The following FHIT variants were observed in gnomAD, a reference collection of about 807,000 sequenced individuals.
FHIT encodes the protein bis(5'-adenosyl)-triphosphatase.
Under a neutral mutation model 17.9 loss-of-function variants are expected in FHIT, and 19 were observed. The ratio of observed to expected loss-of-function variants is 1.06; its 90% confidence interval spans 0.74 to 1.56. The LOEUF is 1.56. Ranked by LOEUF, FHIT falls within the 40% of genes most tolerant of loss-of-function variation. FHIT has a pLI of 0.00. For synonymous variants in FHIT, 81 were observed against 69.7 expected (o/e 1.16, Z -0.81); for missense variants, 248 against 189.2 (o/e 1.31, Z -1.82).
At chr3:60,338,671 C>T (rs556519053) in intron 5 of FHIT, among the ~76,000 whole-genome samples, 1 of 152,290 alleles carries the variant, frequency 6.6e-6, no homozygotes, top group South Asian at 2.1e-4. Context: ...AAAGATAGAG[C>T]ACATGTGGTT....
chr3:60,503,932 T>A (rs893273215), intron 5 of FHIT, among the ~76,000 whole-genome samples: 1 of 152,206 alleles, frequency 6.6e-6, no homozygotes, highest in African/African-American at 2.4e-5. Flanking sequence ...CTCATTTTAT[T>A]TATAATAAAT....
At chr3:60,467,721 G>T (rs2032875919) in intron 5 of FHIT, among the ~76,000 whole-genome samples, 1 of 151,996 alleles carries the variant, frequency 6.6e-6, no homozygotes, top group Non-Finnish European at 1.5e-5. Context: ...TTTAAGATTT[G>T]TTTTGTGGCC....
At chr3:60,136,560 C>T (rs1195443761) in intron 5 of FHIT, among the ~76,000 whole-genome samples, 1 of 152,194 alleles carries the variant, frequency 6.6e-6, no homozygotes, top group Admixed American at 6.5e-5. Flanking sequence ...GGCTGAGCCA[C>T]TATCCAATTT....
chr3:59,911,007 G>A (rs1486737936), intron 8 of FHIT, among the ~76,000 whole-genome samples: 2 of 152,106 alleles, frequency 1.3e-5, no homozygotes, highest in African/African-American at 4.8e-5. Context: ...CTAACAACAG[G>A]TATACTACAG....
At chr3:61,215,760 G>A (rs552005253) in intron 1 of FHIT, among the ~76,000 whole-genome samples, 104 of 152,310 alleles carry the variant, frequency 6.8e-4, no homozygotes, top group African/African-American at 2.5e-3. Flanking sequence ...CAAGGCTACA[G>A]TAACCAAAAC....
intron 8 of FHIT, among the ~76,000 whole-genome samples, chr3:59,874,984 T>G (rs905805610): frequency 1.3e-5 from 2 of 152,248 alleles, no homozygotes; most frequent in African/African-American, 2.4e-5. Context: ...TTTCGGCAAG[T>G]GCTTCCCTTT....
chr3:60,856,575 C>T (rs1228811007), intron 3 of FHIT: 1 of 152,102 alleles, frequency 6.6e-6, no homozygotes, highest in Non-Finnish European at 1.5e-5. Context: ...AAGTAATGAA[C>T]CACAGAAATG....
At chr3:59,977,138 G>T (rs961736493) in intron 7 of FHIT, among the ~76,000 whole-genome samples, 5 of 152,084 alleles carry the variant, frequency 3.3e-5, no homozygotes, top group Non-Finnish European at 5.9e-5. Flanking sequence ...TAAGATCTTA[G>T]AATGCATTTT....
intron 5 of FHIT, among the ~76,000 whole-genome samples, chr3:60,037,516 G>A (rs1701268646): frequency 6.6e-6 from 1 of 151,452 alleles, no homozygotes; most frequent in South Asian, 2.1e-4. Context: ...CTGAGTAGCT[G>A]GGACTACAGG....
At chr3:60,708,251 A>T (rs1553704033) in intron 4 of FHIT, among the ~76,000 whole-genome samples, 1 of 152,192 alleles carries the variant, frequency 6.6e-6, no homozygotes, top group Non-Finnish European at 1.5e-5. Flanking sequence ...GACTCTGCTT[A>T]TTTACACAGC....
In FHIT at chr3:60,114,069, ATAT is replaced by A. The variant is rs1559644296; in HGVS notation, c.104-99920_104-99918del. Among the ~76,000 whole-genome samples, 427 of 107,154 alleles carry A rather than the reference ATAT, an allele frequency of 4.0e-3. 16 individuals carry two copies. Among genetic ancestry groups the A allele is most frequent in the African/African-American group, 0.015 (405 of 27,120 alleles). The allele number at this position is 107,154 out of a possible 152,430, so 70.3% of individuals were successfully genotyped here. A position where few individuals can be genotyped will look rare whatever the true frequency, so the allele number is the denominator to read the frequency against. ...TATATATATATATATATATATATATATATAATGTTATATGTATCTTACCACAAT... is the reference window on the plus strand; with the variant it reads ...TATATATATATATATATATATATATAAATGTTATATGTATCTTACCACAAT... On this transcript the variant is annotated intron_variant, in intron 5 of 9. Transcript: ENST00000492590.
At chr3:59,911,761 G>C (rs190128983) in intron 8 of FHIT, among the ~76,000 whole-genome samples, 192 of 152,338 alleles carry the variant, frequency 1.3e-3, no homozygotes, top group African/African-American at 4.4e-3. Flanking sequence ...TGCCCAAGAA[G>C]TGGGGAGACT....
chr3:60,154,568 T>A (rs973041624), intron 5 of FHIT, among the ~76,000 whole-genome samples: 2 of 152,206 alleles, frequency 1.3e-5, no homozygotes, highest in African/African-American at 4.8e-5. Flanking sequence ...AATGCAAACT[T>A]ATAATATTCC....
chr3:60,271,911 T>G (rs1420658326), intron 5 of FHIT, among the ~76,000 whole-genome samples: 1 of 152,180 alleles, frequency 6.6e-6, no homozygotes, highest in African/African-American at 2.4e-5. Context: ...CTTACCAAAC[T>G]CCAGGTGTAG....
chr3:60,838,909 C>T (rs76093591), intron 3 of FHIT, among the ~76,000 whole-genome samples: 4,231 of 151,980 alleles, frequency 0.028, 198 homozygotes, highest in African/African-American at 0.095. Context: ...ATGTGTGAAC[C>T]AGGTTCTGAA....
At chr3:60,867,818 C>G (rs532647155) in intron 3 of FHIT, among the ~76,000 whole-genome samples, 1 of 152,284 alleles carries the variant, frequency 6.6e-6, no homozygotes, top group South Asian at 2.1e-4. Context: ...GCAGAGCCCC[C>G]TGACAACTTT....
intron 9 of FHIT, chr3:59,750,694 T>G (rs1419803449): frequency 4.6e-6 from 1 of 216,556 alleles, no homozygotes; most frequent in Non-Finnish European, 9.3e-6. Flanking sequence ...TGAACAACAA[T>G]AGGGGGCAAG....
intron 4 of FHIT, among the ~76,000 whole-genome samples, chr3:60,634,696 A>G (rs1163839478): frequency 6.6e-6 from 1 of 152,208 alleles, no homozygotes; most frequent in Non-Finnish European, 1.5e-5. Context: ...CTTTGTGATA[A>G]ATGAGAAAGA....
intron 8 of FHIT, among the ~76,000 whole-genome samples, chr3:59,787,541 C>G (rs563943914): frequency 2.6e-5 from 4 of 151,028 alleles, no homozygotes; most frequent in African/African-American, 9.7e-5. Context: ...TCAAAGGCTT[C>G]TCCCTCTTTA....
Sources: gnomAD v4.1 joint callset for allele counts (sites outside exome capture counted in the v4.1 genomes callset) on GRCh38, gnomAD v4.1.1 for gene constraint, MANE v1.5 for transcripts, NCBI Gene and HGNC (gene_info 2026-07-23, HGNC 2026-07-21) for gene names.